Variants in AIRE observed in about 807,000 individuals in gnomAD.
AIRE encodes the protein autoimmune regulator.
In AIRE, 52 loss-of-function variants were observed where a neutral mutation model predicts 62.1. That is an observed-to-expected ratio of 0.84 (90% CI 0.67 to 1.06). The LOEUF (loss-of-function observed/expected upper bound fraction) is 1.06, where lower values mean the gene tolerates loss of function less well. Ranked by LOEUF, AIRE falls within the 50% of genes least tolerant of loss-of-function variation. AIRE has a pLI of 0.00. For synonymous variants in AIRE, 342 were observed against 321.6 expected (o/e 1.06, Z -0.68); for missense variants, 774 against 755.8 (o/e 1.02, Z -0.28).
intron 8 of AIRE, among the ~76,000 whole-genome samples, chr21:44,291,918 G>A (rs376244719): frequency 9.9e-5 from 15 of 152,160 alleles, no homozygotes; most frequent in East Asian, 3.8e-4. Flanking sequence ...CCTCCTTGCC[G>A]TCTCTTTCTG....
chr21:44,291,587 CCA>C (rs1230270810), intron 8 of AIRE, among the ~76,000 whole-genome samples: 10 of 151,458 alleles, frequency 6.6e-5, no homozygotes. Flanking sequence ...AGCACAGAGG[CCA>C]CAGAGCTGTG....
Position 44,297,827 on chromosome 21 carries a change from C to T in AIRE, c.*100C>T. 9.0e-7 allele frequency: 1 copy of T among 1,108,578 alleles called. No homozygotes were observed. Among genetic ancestry groups the T allele is most frequent in the Non-Finnish European group, 1.3e-6 (1 of 750,370 alleles). 68.7% of individuals were successfully genotyped at this position (1,108,578 alleles called of 1,614,324 possible). The stretch of plus-strand genomic sequence containing the variant: ...CGGCCGGCTGGGATCAAGAAGGGGA[C>T]AGCGCCACCTCTTGTCAGTGCTCGG... On this transcript the variant is annotated 3_prime_UTR_variant, in exon 14 of 14. Transcript: ENST00000291582. The surrounding 1 kb of genome is among the most constrained non-coding windows in gnomAD (Gnocchi z 4.8).
intron 4 of AIRE, among the ~76,000 whole-genome samples, chr21:44,288,015 T>C (rs1428422727): frequency 6.6e-6 from 1 of 152,122 alleles, no homozygotes; most frequent in Admixed American, 6.5e-5. Context: ...GCCTAGGAAC[T>C]CTGTGTCCCT....
At chr21:44,292,558 G>A (rs368217312) in intron 9 of AIRE, among the ~76,000 whole-genome samples, 157 bp downstream of exon 9, 18 of 152,232 alleles carry the variant, frequency 1.2e-4, no homozygotes, top group African/African-American at 2.4e-4. Context: ...GCCCAAGCCC[G>A]GTCCTTGTGG....
intron 12 of AIRE, among the ~76,000 whole-genome samples, chr21:44,294,743 C>T (rs575387818): frequency 4.6e-5 from 7 of 152,206 alleles, no homozygotes; most frequent in South Asian, 2.1e-4. Flanking sequence ...GCTGACGTCA[C>T]GGTTGGCTGT....
intron 8 of AIRE, among the ~76,000 whole-genome samples, chr21:44,291,644 C>T (rs1051640985): frequency 3.3e-5 from 5 of 152,154 alleles, no homozygotes; most frequent in African/African-American, 7.2e-5. Flanking sequence ...CACAGGACGC[C>T]GGGCTTAGTG....
At chr21:44,296,550 C>G (rs2040610319) in intron 13 of AIRE, 105 bp downstream of exon 13, 2 of 1,139,606 alleles carry the variant, frequency 1.8e-6, no homozygotes, top group Non-Finnish European at 2.6e-6. Flanking sequence ...CCCCACTGCT[C>G]TTGAGCCGTG....
chr21:44,295,475 C>T (rs1248596458), intron 12 of AIRE, among the ~76,000 whole-genome samples: 1 of 152,200 alleles, frequency 6.6e-6, no homozygotes, highest in African/African-American at 2.4e-5. Context: ...CCTCCTCACA[C>T]CACCCATCTG....
chr21:44,291,264 C>T, intron 8 of AIRE, 54 bp downstream of exon 8: 1 of 1,586,424 alleles, frequency 6.3e-7, no homozygotes, highest in Non-Finnish European at 8.5e-7. Flanking sequence ...ACGGCCGCCT[C>T]CACCCACTGA....
chr21:44,291,723 C>T (rs919093828), intron 8 of AIRE, among the ~76,000 whole-genome samples: 1 of 152,198 alleles, frequency 6.6e-6, no homozygotes, highest in Non-Finnish European at 1.5e-5. Context: ...GCCCTGCCCC[C>T]ATTCCAACCC....
At chr21:44,290,889 C>CG (rs757773290) in intron 7 of AIRE, 3 of 1,609,122 alleles carry the variant, frequency 1.9e-6, no homozygotes, top group South Asian at 1.1e-5. Context: ...GGGATGGCCC[C>CG]GGGGGGTGTC....
At chr21:44,292,119 C>T (rs1016555027) in intron 8 of AIRE, among the ~76,000 whole-genome samples, 183 bp from the exon 9 acceptor site, 1 of 152,188 alleles carries the variant, frequency 6.6e-6, no homozygotes, top group African/African-American at 2.4e-5. Context: ...GGCCACCCCA[C>T]GAAGGGTAAA....
intron 8 of AIRE, among the ~76,000 whole-genome samples, chr21:44,291,699 C>T (rs2040542258): frequency 6.6e-6 from 1 of 152,196 alleles, no homozygotes; most frequent in East Asian, 1.9e-4. Flanking sequence ...TGCTCCTTCC[C>T]CACGGCCCAC....
rs567846715 is a variant in AIRE, at chr21:44,286,515, G to A, written c.133-42G>A. 6.9e-6 allele frequency: 11 copies of A among 1,587,308 alleles called. No individual in the cohort carries two copies. The highest frequency in any genetic ancestry group is 3.4e-5 in the Admixed American group (2 of 59,116). ...GATGGAGATGGGCAGGCCGCAGGGTGTGGGGGACCATGGCAGGGACCCTCA... is the reference window on the plus strand; with the variant it reads ...GATGGAGATGGGCAGGCCGCAGGGTATGGGGGACCATGGCAGGGACCCTCA... On this transcript the variant is annotated intron_variant, in intron 1 of 13. Coordinates refer to ENST00000291582, the MANE Select transcript of AIRE (RefSeq NM_000383.4). This position sits in a 1 kb window ranked among gnomAD's most constrained non-coding sequence, Gnocchi z 6.0.
intron 7 of AIRE, chr21:44,290,607 T>C (rs1601967218): frequency 4.2e-6 from 4 of 957,380 alleles, no homozygotes; most frequent in Non-Finnish European, 2.8e-6. Flanking sequence ...AGTGAGGTCA[T>C]TGCCGTGCAG....
In AIRE at chr21:44,291,164, G is replaced by T; in HGVS notation, c.949G>T (p.Ala317Ser). Residue 317 changes from alanine to serine, a missense_variant, in exon 8 of 14, where the codon GCC (alanine) becomes TCC (serine). Physicochemically the swap from Ala to Ser is moderately conservative, Grantham distance 99. Around this residue, in one of 3 missense-constraint regions of AIRE, gnomAD observed 35 missense variants for 63.7 expected, o/e 0.55. Coordinates refer to ENST00000291582, the MANE Select transcript of AIRE (RefSeq NM_000383.4). ...CATCTGCTGTGACGGCTGCCCTCGG[G>T]CCTTCCACCTGGCCTGCCTGTCCCC... ...ELICCDGCPR[A>S]FHLACLSPPL... 1 of 1,608,784 alleles carries T rather than the reference G, an allele frequency of 6.2e-7. No homozygotes were observed.
Position 44,287,504 on chromosome 21 carries a change from C to G in AIRE, c.464-13C>G. 6.5e-7 allele frequency: 1 copy of G among 1,549,904 alleles called. No homozygotes were observed. The highest frequency in any genetic ancestry group is 8.7e-7 in the Non-Finnish European group (1 of 1,146,510). ...AGAGGGGAGGCCAGGCTGCCCCCAG[C>G]TCCCCCATTCAGGCTCTCAACTGAA... On this transcript the variant is annotated splice_polypyrimidine_tract_variant and intron_variant, in intron 3 of 13. Coordinates refer to ENST00000291582, the MANE Select transcript of AIRE (RefSeq NM_000383.4). The surrounding 1 kb of genome is among the most constrained non-coding windows in gnomAD (Gnocchi z 4.3).
rs1036995518 is a variant in AIRE, at chr21:44,286,057, G to C, written c.51G>C (p.Glu17Asp). 14 of 1,541,514 alleles carry C rather than the reference G, an allele frequency of 9.1e-6. No homozygotes were observed. The highest frequency in any genetic ancestry group is 2.4e-5 in the South Asian group (2 of 83,980). ...GGCTTCTGAGGCTGCACCGCACGGAGATCGCGGTGGCCGTGGACAGCGCCT... is the reference window on the plus strand; with the variant it reads ...GGCTTCTGAGGCTGCACCGCACGGACATCGCGGTGGCCGTGGACAGCGCCT... ...LRRLLRLHRT[E>D]IAVAVDSAFP... The change falls in exon 1 of 14, where the codon GAG becomes GAC. Residue 17 changes from glutamate to aspartate, a missense_variant. By Grantham distance (45) the Glu-to-Asp change is conservative (BLOSUM62 2). Around this residue, in one of 3 missense-constraint regions of AIRE, gnomAD observed 385 missense variants for 396.0 expected, o/e 0.97. Transcript: ENST00000291582. The surrounding 1 kb of genome is among the most constrained non-coding windows in gnomAD (Gnocchi z 6.0).
chr21:44,293,921 G>T lies in AIRE; in HGVS notation c.1400+11G>T. 1 of 1,596,082 alleles carries T rather than the reference G, an allele frequency of 6.3e-7. No individual in the cohort carries two copies. The highest frequency in any genetic ancestry group is 1.3e-5 in the African/African-American group (1 of 74,840). Reference sequence around the variant, plus strand: ...CACCTCCCGGCCCGGGTGAGTGAGCGTGGTCGGCGGGGAGGCCTGAACCCA... The same window carrying T: ...CACCTCCCGGCCCGGGTGAGTGAGCTTGGTCGGCGGGGAGGCCTGAACCCA... On this transcript the variant is annotated intron_variant, in intron 11 of 13. Transcript: ENST00000291582.
Sources: allele counts gnomAD v4.1 joint callset (sites outside exome capture counted in the v4.1 genomes callset), GRCh38; gene constraint gnomAD v4.1.1; regional missense constraint gnomAD v4.1.1; non-coding constraint Gnocchi (gnomAD v3.1); transcripts MANE v1.5; gene names NCBI Gene and HGNC (gene_info 2026-07-23, HGNC 2026-07-21).